BTG4: variants seen among roughly 807,000 people sequenced by gnomAD.
The protein encoded by BTG4 is BTG anti-proliferation factor 4.
In BTG4, 10 loss-of-function variants were observed where a neutral mutation model predicts 19.3. The observed-to-expected ratio is 0.52, with a 90% confidence interval of 0.32 to 0.88. BTG4 has a LOEUF of 0.88. Ranked by LOEUF, BTG4 falls within the 40% of genes least tolerant of loss-of-function variation. BTG4 has a pLI of 0.04. For missense variants in BTG4, 238 were observed against 281.9 expected (o/e 0.84, Z 1.11); for synonymous variants, 91 against 95.7 (o/e 0.95, Z 0.29).
the BTG4 span, chr11:111,454,347 C>A: frequency 2.2e-6 from 1 of 454,364 alleles, no homozygotes; most frequent in Non-Finnish European, 4.4e-6. Flanking sequence ...CTCAGCCACA[C>A]GAAGGAAGAG....
chr11:111,401,481 C>CAAA, the BTG4 span, among the ~76,000 whole-genome samples: 50 of 137,926 alleles, frequency 3.6e-4, no homozygotes, highest in Non-Finnish European at 5.2e-4. Flanking sequence ...GACTCCGTCT[C>CAAA]AAAAAAAAAA....
chr11:111,444,865 C>A, the BTG4 span, among the ~76,000 whole-genome samples: 3 of 151,940 alleles, frequency 2.0e-5, no homozygotes, highest in African/African-American at 4.8e-5. Context: ...TAAAAGCTGG[C>A]GTGGGGGATT....
intron 1 of BTG4, among the ~76,000 whole-genome samples, chr11:111,499,538 T>C (rs1191229084): frequency 6.6e-6 from 1 of 152,236 alleles, no homozygotes; most frequent in Non-Finnish European, 1.5e-5. Context: ...TATTTTCTAT[T>C]TTGCTATTAT....
the BTG4 span, among the ~76,000 whole-genome samples, chr11:111,431,809 T>C: frequency 6.6e-6 from 1 of 152,124 alleles, no homozygotes; most frequent in African/African-American, 2.4e-5. Flanking sequence ...CAATCAGAGA[T>C]GTAAGAACTG....
intron 5 of BTG4, among the ~76,000 whole-genome samples, chr11:111,472,639 T>A (rs941004955): frequency 4.6e-5 from 7 of 152,228 alleles, no homozygotes; most frequent in Non-Finnish European, 8.8e-5. Flanking sequence ...CTATCCAATC[T>A]TAATTTGCAA....
chr11:111,454,494 A>G, the BTG4 span: 1 of 346,434 alleles, frequency 2.9e-6, no homozygotes, highest in South Asian at 2.3e-5. Context: ...TAAAGGAATC[A>G]GAATAAAGGA....
At chr11:111,436,983 G>A in the BTG4 span, among the ~76,000 whole-genome samples, 1 of 152,206 alleles carries the variant, frequency 6.6e-6, no homozygotes, top group Non-Finnish European at 1.5e-5. Flanking sequence ...CTGCAGGGCA[G>A]AACAAAAGCC....
At chr11:111,505,530 A>G (rs1245800626) in intron 1 of BTG4, among the ~76,000 whole-genome samples, 2 of 152,096 alleles carry the variant, frequency 1.3e-5, no homozygotes, top group East Asian at 1.9e-4. Flanking sequence ...TAAAAATCCT[A>G]AAAGAAAACC....
the BTG4 span, among the ~76,000 whole-genome samples, chr11:111,452,812 C>G: frequency 6.6e-6 from 1 of 152,186 alleles, no homozygotes; most frequent in South Asian, 2.1e-4. Flanking sequence ...ACTGTTCTCC[C>G]TGGAGAGGGT....
downstream of BTG4, among the ~76,000 whole-genome samples, chr11:111,491,137 G>A (rs151011920): frequency 1.3e-4 from 20 of 152,314 alleles, 1 homozygote; most frequent in African/African-American, 4.8e-4. Flanking sequence ...GTTACCTACA[G>A]TATGATTAAT....
chr11:111,499,365 T>TGG (rs2135690745), intron 1 of BTG4, among the ~76,000 whole-genome samples: 1 of 152,358 alleles, frequency 6.6e-6, no homozygotes, highest in South Asian at 2.1e-4. Context: ...TATATAAGCC[T>TGG]GGGCCCTAAA....
chr11:111,498,148 C>T lies in BTG4; in HGVS notation c.174-13G>A, dbSNP rs764767098. On this transcript the variant is annotated splice_polypyrimidine_tract_variant and intron_variant, in intron 2 of 4. Coordinates refer to ENST00000692032, the MANE Select transcript of BTG4 (RefSeq NM_001367975.1). The stretch of plus-strand genomic sequence containing the variant: ...TATCCTGATGCACCTTTTTAAAAAG[C>T]GAAGGGAAACGAAGACATGATGACA... 3.5e-5 allele frequency: 57 copies of T among 1,612,700 alleles called. No individual in the cohort carries two copies. The highest frequency in any genetic ancestry group is 2.5e-4 in the East Asian group (11 of 44,882).
the BTG4 span, among the ~76,000 whole-genome samples, chr11:111,442,691 A>G: frequency 1.8e-5 from 2 of 108,362 alleles, no homozygotes; most frequent in Admixed American, 2.3e-4. Context: ...CCAGCACTGG[A>G]TCATTTTGAA....
chr11:111,496,690 G>A (rs564926150), intron 4 of BTG4: 2 of 152,958 alleles, frequency 1.3e-5, no homozygotes, highest in Admixed American at 6.5e-5. Context: ...AGTATTGGGA[G>A]CATTGGGAGC....
At position 111,495,234 on chromosome 11, in the gene BTG4, G is replaced by C. The variant is rs766203310; in HGVS notation, c.591C>G (p.Leu197=). Residue 197 remains leucine, a synonymous_variant, in exon 5 of 5, where the codon CTC becomes CTG. Coordinates refer to ENST00000692032, the MANE Select transcript of BTG4 (RefSeq NM_001367975.1). ...GCGAGCCATGGTAAGTGTTTCCCAG[G>C]AGGCCAACACGGCCGTCCACCACAT... The part of the protein sequence containing the change: ...KKNVVDGRVG[L]LGNTYHGSQK... 4.3e-6 allele frequency: 7 copies of C among 1,612,804 alleles called. No individual in the cohort carries two copies. Among genetic ancestry groups the C allele is most frequent in the Non-Finnish European group, 5.1e-6 (6 of 1,179,598 alleles).
the BTG4 span, among the ~76,000 whole-genome samples, chr11:111,415,145 C>G: frequency 6.6e-6 from 1 of 152,294 alleles, no homozygotes; most frequent in African/African-American, 2.4e-5. Context: ...CAGGTGGCAA[C>G]TGCACCTGCC....
chr11:111,415,353 A>T, the BTG4 span, among the ~76,000 whole-genome samples: 2 of 152,212 alleles, frequency 1.3e-5, no homozygotes, highest in Non-Finnish European at 2.9e-5. Context: ...TGATAATACC[A>T]TTCACTTTCA....
the BTG4 span, among the ~76,000 whole-genome samples, chr11:111,434,596 A>T: frequency 2.0e-4 from 31 of 151,484 alleles, 1 homozygote; most frequent in African/African-American, 7.2e-4. Flanking sequence ...AAGCCACTAT[A>T]CTTTAAAAAA....
intron 5 of BTG4, among the ~76,000 whole-genome samples, chr11:111,486,204 G>A (rs1194721197): frequency 6.6e-6 from 1 of 152,198 alleles, no homozygotes; most frequent in African/African-American, 2.4e-5. Context: ...GGAAGGCCAA[G>A]GTGGGTAGAT....
Sources: allele counts gnomAD v4.1 joint callset (sites outside exome capture counted in the v4.1 genomes callset), GRCh38; gene constraint gnomAD v4.1.1; transcripts MANE v1.5; gene names NCBI Gene and HGNC (gene_info 2026-07-23, HGNC 2026-07-21).